Variants in CIB4 observed in about 807,000 individuals in gnomAD.
CIB4 encodes the protein calcium and integrin binding family member 4.
Under a neutral mutation model 25.8 loss-of-function variants are expected in CIB4, and 25 were observed. That is an observed-to-expected ratio of 0.97 (90% CI 0.71 to 1.35). The LOEUF is 1.35. CIB4 is among the 40% of genes most tolerant of loss of function. The pLI is 0.00. For synonymous variants in CIB4, 75 were observed against 81.4 expected (o/e 0.92, Z 0.42); for missense variants, 235 against 228.2 (o/e 1.03, Z -0.19).
intron 2 of CIB4, among the ~76,000 whole-genome samples, chr2:26,637,001 G>A (rs1354495033): frequency 2.0e-5 from 3 of 152,026 alleles, no homozygotes; most frequent in African/African-American, 7.2e-5. Flanking sequence ...CTTAGCTTTC[G>A]ATTTCTACTT....
chr2:26,635,307 C>A (rs1054568818), intron 2 of CIB4, among the ~76,000 whole-genome samples: 18 of 152,336 alleles, frequency 1.2e-4, no homozygotes, highest in South Asian at 2.1e-4. Flanking sequence ...GGTCTCCCCC[C>A]ACCAGCCCCC....
At chr2:26,629,935 C>T (rs1470160214) in intron 2 of CIB4, among the ~76,000 whole-genome samples, 1 of 152,186 alleles carries the variant, frequency 6.6e-6, no homozygotes, top group East Asian at 1.9e-4. Context: ...CTGCCAATTT[C>T]CATCCTCAAC....
chr2:26,633,830 G>A (rs111609362), intron 2 of CIB4, among the ~76,000 whole-genome samples: 46 of 152,310 alleles, frequency 3.0e-4, no homozygotes, highest in African/African-American at 9.9e-4. Context: ...GCCCTAAGAC[G>A]GGTGGAGGTC....
intron 3 of CIB4, among the ~76,000 whole-genome samples, chr2:26,624,438 T>C (rs936201995): frequency 5.3e-5 from 8 of 152,110 alleles, no homozygotes; most frequent in Non-Finnish European, 1.0e-4. Flanking sequence ...GCTCTAGGTC[T>C]CCAAAAGCTG....
intron 3 of CIB4, among the ~76,000 whole-genome samples, chr2:26,597,063 A>G (rs1668695247): frequency 6.6e-6 from 1 of 152,112 alleles, no homozygotes; most frequent in Non-Finnish European, 1.5e-5. Context: ...TTTTCTAAAG[A>G]AACTCATGCT....
intron 6 of CIB4, among the ~76,000 whole-genome samples, chr2:26,582,222 G>C (rs750131151): frequency 6.6e-6 from 1 of 152,164 alleles, no homozygotes; most frequent in African/African-American, 2.4e-5. Flanking sequence ...AGCAGGAGAC[G>C]CCAGCTCCAC....
chr2:26,589,001 T>TC (rs1558554578), intron 4 of CIB4, among the ~76,000 whole-genome samples: 2 of 11,998 alleles, frequency 1.7e-4, no homozygotes, highest in African/African-American at 5.9e-4. Context: ...TTCTTCTTCT[T>TC]CTTCTTCTTC....
intron 3 of CIB4, among the ~76,000 whole-genome samples, chr2:26,618,262 A>T (rs892061426): frequency 6.6e-6 from 1 of 152,156 alleles, no homozygotes; most frequent in Non-Finnish European, 1.5e-5. Context: ...CCTCCAGCCC[A>T]GGTCTCTGCA....
intron 3 of CIB4, chr2:26,623,338 G>T (rs1338663985): frequency 5.1e-6 from 1 of 197,560 alleles, no homozygotes; most frequent in Non-Finnish European, 1.1e-5. Flanking sequence ...GTGAGACCCT[G>T]TCTCAAAATA....
chr2:26,633,456 C>G (rs1048988987), intron 2 of CIB4, among the ~76,000 whole-genome samples: 1 of 152,116 alleles, frequency 6.6e-6, no homozygotes, highest in Admixed American at 6.5e-5. Flanking sequence ...CTGTGCTGCC[C>G]ACCCCTAAAG....
At chr2:26,632,153 C>T (rs912293456) in intron 2 of CIB4, among the ~76,000 whole-genome samples, 2 of 152,220 alleles carry the variant, frequency 1.3e-5, no homozygotes, top group African/African-American at 4.8e-5. Context: ...CATATCCTGA[C>T]TCTGTCTGAT....
intron 4 of CIB4, among the ~76,000 whole-genome samples, chr2:26,590,577 C>T (rs1253586862): frequency 6.6e-6 from 1 of 152,110 alleles, no homozygotes; most frequent in African/African-American, 2.4e-5. Context: ...GTCTCCTTTC[C>T]CCTCTTTTTT....
intron 4 of CIB4, among the ~76,000 whole-genome samples, chr2:26,586,440 C>G (rs1668454970): frequency 6.6e-6 from 1 of 152,218 alleles, no homozygotes; most frequent in African/African-American, 2.4e-5. Context: ...GTCTTCCCAG[C>G]TTTGTCCTTC....
chr2:26,586,667 G>A (rs1178489609), intron 4 of CIB4, among the ~76,000 whole-genome samples: 1 of 152,176 alleles, frequency 6.6e-6, no homozygotes, highest in Non-Finnish European at 1.5e-5. Context: ...GTAAGTGATG[G>A]AGACAGGATT....
intron 4 of CIB4, among the ~76,000 whole-genome samples, chr2:26,586,140 A>C (rs1018475475): frequency 6.6e-6 from 1 of 152,066 alleles, no homozygotes; most frequent in Non-Finnish European, 1.5e-5. Flanking sequence ...CCGGAAGTCT[A>C]TTCCCAACAC....
At chr2:26,609,710 C>T (rs1275968) in intron 3 of CIB4, among the ~76,000 whole-genome samples, 131,969 of 152,136 alleles carry the variant, frequency 0.87, 57,474 homozygotes, top group East Asian at 1. Context: ...CCAGGCGCAA[C>T]AGGGCTCCAG....
At chr2:26,609,959 G>C (rs1483669277) in intron 3 of CIB4, among the ~76,000 whole-genome samples, 2 of 152,192 alleles carry the variant, frequency 1.3e-5, no homozygotes, top group African/African-American at 4.8e-5. Flanking sequence ...CCACTCAAGG[G>C]CAGACCAGGC....
chr2:26,588,059 A>G (rs1668489827), intron 4 of CIB4, among the ~76,000 whole-genome samples: 1 of 152,202 alleles, frequency 6.6e-6, no homozygotes. Context: ...CTCTCCCTGC[A>G]CAGGCTCTGC....
intron 3 of CIB4, among the ~76,000 whole-genome samples, chr2:26,623,214 A>G (rs1382292485): frequency 6.6e-6 from 1 of 151,736 alleles, no homozygotes; most frequent in Non-Finnish European, 1.5e-5. Context: ...GTGGTGGTAC[A>G]TGCCTGTGGT....
Sources: allele counts gnomAD v4.1 joint callset (sites outside exome capture counted in the v4.1 genomes callset), GRCh38; gene constraint gnomAD v4.1.1; transcripts MANE v1.5; gene names NCBI Gene and HGNC (gene_info 2026-07-23, HGNC 2026-07-21).